GRIK2: variants seen among roughly 807,000 people sequenced by gnomAD.
GRIK2 encodes glutamate receptor ionotropic, kainate 2.
A neutral mutation model predicts 100.3 loss-of-function variants in GRIK2; 32 were observed. That is an observed-to-expected ratio of 0.32 (90% CI 0.24 to 0.43). The LOEUF is 0.43. GRIK2 is among the 20% of genes least tolerant of loss of function. The pLI, the probability that GRIK2 is intolerant of heterozygous loss-of-function variation, is 1.00. For missense variants in GRIK2, 843 were observed against 1,114.9 expected (o/e 0.76, Z 3.47); for synonymous variants, 417 against 389.4 (o/e 1.07, Z -0.83).
At chr6:101,518,641 C>A (rs1257537724) in intron 2 of GRIK2, among the ~76,000 whole-genome samples, 1 of 152,124 alleles carries the variant, frequency 6.6e-6, no homozygotes, top group African/African-American at 2.4e-5. Context: ...GAAAAAGATT[C>A]TACAGCCAAA....
chr6:101,888,307 G>T (rs900436686), intron 11 of GRIK2, among the ~76,000 whole-genome samples: 2 of 152,018 alleles, frequency 1.3e-5, no homozygotes, highest in Non-Finnish European at 2.9e-5. Context: ...ACTTCGCAAG[G>T]TTTCATTTTC....
chr6:102,068,038 C>T (rs201434478), intron 16 of GRIK2, among the ~76,000 whole-genome samples: 1 of 151,700 alleles, frequency 6.6e-6, no homozygotes, highest in East Asian at 1.9e-4. Context: ...CTATGTCATG[C>T]TAATCATTTT....
At chr6:101,888,437 T>G (rs2128456703) in intron 11 of GRIK2, among the ~76,000 whole-genome samples, 1 of 152,300 alleles carries the variant, frequency 6.6e-6, no homozygotes, top group African/African-American at 2.4e-5. Context: ...TATTAGCAAT[T>G]ATTGTTTTAA....
chr6:101,572,878 C>T (rs534083023), intron 2 of GRIK2, among the ~76,000 whole-genome samples: 5 of 147,348 alleles, frequency 3.4e-5, no homozygotes, highest in South Asian at 2.2e-4. Flanking sequence ...AGTCTGTCTC[C>T]GTCATCCAGG....
chr6:101,627,210 C>T (rs1470935476), intron 4 of GRIK2, among the ~76,000 whole-genome samples: 1 of 151,812 alleles, frequency 6.6e-6, no homozygotes, highest in Non-Finnish European at 1.5e-5. Flanking sequence ...GGTGCAATCT[C>T]AGCTTACTGC....
intron 4 of GRIK2, among the ~76,000 whole-genome samples, chr6:101,661,415 T>C (rs2128334043): frequency 6.6e-6 from 1 of 152,038 alleles, no homozygotes; most frequent in Non-Finnish European, 1.5e-5. Context: ...CTGGGCTCGG[T>C]GGGGGTGAGA....
At chr6:101,708,164 A>G (rs1288203781) in intron 7 of GRIK2, among the ~76,000 whole-genome samples, 1 of 151,794 alleles carries the variant, frequency 6.6e-6, no homozygotes, top group Admixed American at 6.6e-5. Flanking sequence ...AGTAGATGGA[A>G]TCTTTTATTC....
At chr6:101,830,054 G>A (rs1342299050) in intron 10 of GRIK2, among the ~76,000 whole-genome samples, 1 of 152,018 alleles carries the variant, frequency 6.6e-6, no homozygotes, top group Non-Finnish European at 1.5e-5. Flanking sequence ...AACCAAAACA[G>A]CATGGGATTG....
At chr6:101,921,416 G>A (rs1233124824) in intron 12 of GRIK2, among the ~76,000 whole-genome samples, 2 of 152,000 alleles carry the variant, frequency 1.3e-5, no homozygotes, top group Admixed American at 6.6e-5. Flanking sequence ...ATAATTGTAT[G>A]AGCAGAAAAA....
chr6:101,742,579 G>A (rs9498677), intron 7 of GRIK2, among the ~76,000 whole-genome samples: 30,100 of 151,966 alleles, frequency 0.2, 3,740 homozygotes, highest in African/African-American at 0.34. Context: ...TTTAAGAAAT[G>A]CATTGGTTTG....
intron 10 of GRIK2, among the ~76,000 whole-genome samples, chr6:101,847,961 C>T (rs1783904418): frequency 6.6e-6 from 1 of 152,094 alleles, no homozygotes. Flanking sequence ...AAAAACACCA[C>T]GTGTGAAGCA....
chr6:101,774,131 T>C (rs1244809970), intron 7 of GRIK2, among the ~76,000 whole-genome samples: 2 of 152,212 alleles, frequency 1.3e-5, no homozygotes, highest in Middle Eastern at 3.2e-3. Context: ...TTGGAATTAA[T>C]ACTTACGTGA....
intron 10 of GRIK2, 80 bp downstream of exon 10, chr6:101,818,563 A>G: frequency 1.4e-6 from 1 of 731,252 alleles, no homozygotes; most frequent in Non-Finnish European, 2.4e-6. Flanking sequence ...TATAATTGGA[A>G]CAGCAATGAA....
At chr6:101,523,205 A>G (rs1327861575) in intron 2 of GRIK2, among the ~76,000 whole-genome samples, 1 of 152,180 alleles carries the variant, frequency 6.6e-6, no homozygotes, top group African/African-American at 2.4e-5. Flanking sequence ...GACTTTTGGC[A>G]GCCAGAAATA....
intron 2 of GRIK2, among the ~76,000 whole-genome samples, chr6:101,400,499 A>G (rs998985345): frequency 6.6e-6 from 1 of 152,246 alleles, no homozygotes; most frequent in African/African-American, 2.4e-5. Flanking sequence ...TTCCTCTGAC[A>G]GTTCAAGTGG....
intron 8 of GRIK2, among the ~76,000 whole-genome samples, chr6:101,801,356 T>A (rs1055104771): frequency 1.3e-5 from 2 of 152,054 alleles, no homozygotes; most frequent in Admixed American, 6.6e-5. Context: ...AGCAAAGACA[T>A]GTTGCAATAT....
intron 7 of GRIK2, among the ~76,000 whole-genome samples, chr6:101,714,092 T>A (rs1773899661): frequency 6.6e-6 from 1 of 151,762 alleles, no homozygotes; most frequent in African/African-American, 2.4e-5. Context: ...TATTTTAGAG[T>A]AACATATGCA....
At chr6:101,981,154 A>G (rs111829887) in intron 14 of GRIK2, among the ~76,000 whole-genome samples, 36 of 151,952 alleles carry the variant, frequency 2.4e-4, no homozygotes, top group African/African-American at 8.4e-4. Flanking sequence ...AAGCAGGTTG[A>G]TGACATCATC....
chr6:101,953,281 A>ATATC (rs147631542), intron 14 of GRIK2, among the ~76,000 whole-genome samples: 7,660 of 152,210 alleles, frequency 0.05, 644 homozygotes, highest in African/African-American at 0.18. Context: ...TCTTGGGTCT[A>ATATC]TAAGCAGAAT....
Sources: gnomAD v4.1 joint callset for allele counts (sites outside exome capture counted in the v4.1 genomes callset) on GRCh38, gnomAD v4.1.1 for gene constraint, MANE v1.5 for transcripts, NCBI Gene and HGNC (gene_info 2026-07-23, HGNC 2026-07-21) for gene names.